FMNL1: variants seen among roughly 807,000 people sequenced by gnomAD.
FMNL1 encodes formin-like protein 1.
In FMNL1, 43 loss-of-function variants were observed where a neutral mutation model predicts 121.3. The observed-to-expected ratio is 0.35, with a 90% CI of 0.28 to 0.46. The LOEUF (loss-of-function observed/expected upper bound fraction) is 0.46, where lower values mean the gene tolerates loss of function less well. Ranked by LOEUF, FMNL1 falls within the 20% of genes least tolerant of loss-of-function variation. FMNL1 has a pLI of 1.00. For missense variants in FMNL1, 1,191 were observed against 1,482.4 expected (o/e 0.80, Z 3.23); for synonymous variants, 613 against 613.5 (o/e 1.00, Z 0.01).
At position 45,234,309 on chromosome 17, in the gene FMNL1, A is replaced by G. The variant is rs766659793; in HGVS notation, c.614+109A>G. 5.7e-6 allele frequency: 9 copies of G among 1,572,966 alleles called. No homozygotes were observed. The South Asian group carries it at 9.0e-5, about 16-fold the overall frequency. ...CTTGGGGTTGGCGAGAGGGGTAGCC[A>G]TGCATTAGGGGTCCGAGTAAGGGAC... On this transcript the variant is annotated intron_variant, in intron 6 of 26. Coordinates refer to ENST00000331495, the MANE Select transcript of FMNL1 (RefSeq NM_005892.4).
intron 1 of FMNL1, among the ~76,000 whole-genome samples, chr17:45,225,139 C>A (rs566961087): frequency 1.4e-4 from 22 of 152,362 alleles, no homozygotes; most frequent in Non-Finnish European, 2.5e-4. Context: ...GGCCAAAAGC[C>A]ATGCTGGCAT....
At chr17:45,244,774 C>T (rs1279884458) in intron 19 of FMNL1, 45 bp from the exon 20 acceptor site, 5 of 1,577,918 alleles carry the variant, frequency 3.2e-6, no homozygotes, top group Non-Finnish European at 2.6e-6. Context: ...TAAGCGGTGT[C>T]CTCAGCTCTG....
Position 45,241,192 on chromosome 17 carries a change from C to T in FMNL1, c.1294C>T (p.Gln432Ter), listed in dbSNP as rs2043682250. 1 of 1,613,906 alleles carries T rather than the reference C, an allele frequency of 6.2e-7. No individual in the cohort carries two copies. Among genetic ancestry groups the T allele is most frequent in the South Asian group, 1.1e-5 (1 of 91,092 alleles). The change falls in exon 13 of 27, where the codon CAG becomes TAG. Residue 432 changes from glutamine (Q) to a stop codon, truncating the protein, a stop_gained. Transcript: ENST00000331495. LOFTEE classifies it high-confidence loss of function. This position sits in a 1 kb window ranked among gnomAD's most constrained non-coding sequence, Gnocchi z 7.0. ...SMAKIAELEK[Q>*]LSQARKELET... ...GGCCAAGATTGCAGAACTGGAAAAA[C>T]AGCTAAGCCAGGCGCGCAAGGAGTT...
intron 26 of FMNL1, 89 bp downstream of exon 26, chr17:45,246,693 C>T (rs963801680): frequency 1.1e-5 from 15 of 1,316,068 alleles, no homozygotes; most frequent in Non-Finnish European, 1.6e-5. Context: ...TCTCCTGGGC[C>T]AGTGGATGGC....
chr17:45,240,285 A>T, intron 11 of FMNL1, 191 bp from the exon 12 acceptor site: 1 of 492,766 alleles, frequency 2.0e-6, no homozygotes. Context: ...TGGCTATACT[A>T]AGAATGACTG....
In FMNL1 at chr17:45,232,786, T is replaced by C. The variant is rs144564361; in HGVS notation, c.327+306T>C. The C allele has an allele frequency of 4.9e-4, 281 of 578,394 alleles. 1 individual carries two copies. The highest frequency in any genetic ancestry group is 9.2e-4 in the Middle Eastern group (3 of 3,270). The allele number at this position is 578,394 out of a possible 1,614,324, so 35.8% of individuals were successfully genotyped here. ...GTGTGTGTATACTATGTGTGTACTT[T>C]GTCCACTTATGGATGTGTGTGTGTA... On this transcript the variant is annotated intron_variant, in intron 3 of 26. Coordinates refer to ENST00000331495, the MANE Select transcript of FMNL1 (RefSeq NM_005892.4).
rs1423784191 is a variant in FMNL1 at position 45,238,850 on chromosome 17, G to A, written c.970-105G>A. ...CAGGCCAAGGCTGGGAGTTAGTGGA[G>A]TGAGAACTGTGGAGAAGGAGGGAGG... On this transcript the variant is annotated intron_variant, in intron 10 of 26. Transcript: ENST00000331495. 3.5e-6 allele frequency: 4 copies of A among 1,128,412 alleles called. No individual in the cohort carries two copies. The East Asian group carries it at 7.1e-5, about 20-fold the overall frequency. 69.9% of individuals were successfully genotyped at this position (1,128,412 alleles called of 1,614,324 possible).
intron 12 of FMNL1, 81 bp downstream of exon 12, chr17:45,240,706 A>C: frequency 5.9e-6 from 9 of 1,514,220 alleles, no homozygotes; most frequent in Non-Finnish European, 8.0e-6. Flanking sequence ...AAGCATGGGC[A>C]CTGGGCAGCA....
At chr17:45,238,693 G>T in intron 10 of FMNL1, 55 bp downstream of exon 10, 8 of 1,605,788 alleles carry the variant, frequency 5.0e-6, no homozygotes, top group Non-Finnish European at 6.8e-6. Flanking sequence ...TTGGGTGCAG[G>T]GAGCAGCTAG....
intron 1 of FMNL1, among the ~76,000 whole-genome samples, chr17:45,228,617 C>G (rs1404435755): frequency 6.6e-6 from 1 of 152,240 alleles, no homozygotes; most frequent in Non-Finnish European, 1.5e-5. Context: ...GGGCTCGGAG[C>G]AGTGCCTTGC....
intron 11 of FMNL1, 175 bp from the exon 12 acceptor site, chr17:45,240,301 T>C (rs2043655032): frequency 3.4e-6 from 2 of 595,652 alleles, no homozygotes; most frequent in Admixed American, 3.6e-5. Context: ...GACTGAATTG[T>C]ACACTTTAAA....
Position 45,233,808 on chromosome 17 carries a change from C to G in FMNL1, c.485+77C>G. On this transcript the variant is annotated intron_variant, in intron 5 of 26. Coordinates refer to ENST00000331495, the MANE Select transcript of FMNL1 (RefSeq NM_005892.4). This position sits in a 1 kb window ranked among gnomAD's most constrained non-coding sequence, Gnocchi z 4.1. ...GTCTCCCTGCATCTCACCCACTCCC[C>G]TGGCCAGTTTCAAGCCAGGCAGCCC... 1 of 1,570,340 alleles carries G rather than the reference C, an allele frequency of 6.4e-7. No homozygotes were observed. Among genetic ancestry groups the G allele is most frequent in the Admixed American group, 1.8e-5 (1 of 56,330 alleles).
At position 45,245,714 on chromosome 17, in the gene FMNL1, G is replaced by C; in HGVS notation, c.2975G>C (p.Arg992Pro). 6.2e-7 allele frequency: 1 copy of C among 1,614,070 alleles called. No homozygotes were observed. Reference protein sequence around the residue: ...SPGLFFSLFSRFIKAYKKAEQ... With the variant: ...SPGLFFSLFSPFIKAYKKAEQ... ...GGCCTGTTCTTCTCCCTCTTTAGCC[G>C]CTTCATTAAGGCCTACAAGGTATTC... The change falls in exon 23 of 27, where the codon CGC becomes CCC. Residue 992 changes from arginine to proline, a missense_variant. Physicochemically the swap from Arg to Pro is moderately radical, Grantham distance 103. Transcript: ENST00000331495.
intron 12 of FMNL1, 181 bp downstream of exon 12, chr17:45,240,806 C>G: frequency 1.1e-6 from 1 of 933,532 alleles, no homozygotes; most frequent in Non-Finnish European, 1.6e-6. Flanking sequence ...GGGTGTCTTT[C>G]TCAATGAGTG....
At position 45,245,964 on chromosome 17, in the gene FMNL1, A is replaced by G. The variant is rs566833994; in HGVS notation, c.3081A>G (p.Pro1027=). 6.4e-7 allele frequency: 1 copy of G among 1,563,676 alleles called. No homozygotes were observed. The highest frequency in any genetic ancestry group is 2.1e-5 in the Admixed American group (1 of 48,296). ...ATACCCCGGGCAAAGGGGAGCCCCC[A>G]GCACCCAAGGTAGGCAACTGCTCCT... ...GADTPGKGEP[P]APKSPPKARR... The change falls in exon 24 of 27, where the codon CCA becomes CCG. Residue 1027 remains proline, a synonymous_variant. Transcript: ENST00000331495.
In FMNL1 at chr17:45,242,343, G is replaced by C. The variant is rs766367035; in HGVS notation, c.1888G>C (p.Val630Leu). The C allele has an allele frequency of 2.5e-6, 4 of 1,613,948 alleles. No individual in the cohort carries two copies. The South Asian group carries it at 3.3e-5, about 13-fold the overall frequency. ...GRRDSELGPG[V>L]KAKKPIQTKF... is the part of the protein sequence containing the mutation. Reference sequence around the variant, plus strand: ...CTGCCCCCAAACCCCCGTCCCAGGAGTGAAGGCCAAGAAGCCCATCCAGAC... The same window carrying C: ...CTGCCCCCAAACCCCCGTCCCAGGACTGAAGGCCAAGAAGCCCATCCAGAC... The change falls in exon 16 of 27, where the codon GTG (valine) becomes CTG (leucine). Residue 630 changes from valine to leucine, a missense_variant and splice_region_variant. By Grantham distance (32) the Val-to-Leu change is conservative. This residue lies in a region of FMNL1 where 519 missense variants were observed against 492.8 expected (regional missense o/e 1.05). Coordinates refer to ENST00000331495, the MANE Select transcript of FMNL1 (RefSeq NM_005892.4).
rs1683001146 is a variant in FMNL1 at position 45,233,982 on chromosome 17, T to C, written c.486-90T>C. The C allele has an allele frequency of 6.6e-7, 1 of 1,526,490 alleles. No individual in the cohort carries two copies. Among genetic ancestry groups the C allele is most frequent in the Non-Finnish European group, 8.8e-7 (1 of 1,132,026 alleles). 94.6% of individuals were successfully genotyped at this position (1,526,490 alleles called of 1,614,324 possible). ...CCTCCTCCTGCTCCTTAGTCTCACC[T>C]GCAGGTCTGTCTCTCCTTGCGTTTC... On this transcript the variant is annotated intron_variant, in intron 5 of 26. Coordinates refer to ENST00000331495, the MANE Select transcript of FMNL1 (RefSeq NM_005892.4). This position sits in a 1 kb window ranked among gnomAD's most constrained non-coding sequence, Gnocchi z 4.1.
Position 45,241,407 on chromosome 17 carries a change from T to C in FMNL1, c.1358T>C (p.Met453Thr), listed in dbSNP as rs777882396. 1.9e-6 allele frequency: 3 copies of C among 1,565,534 alleles called. No individual in the cohort carries two copies. Among genetic ancestry groups the C allele is most frequent in the Non-Finnish European group, 2.6e-6 (3 of 1,155,878 alleles). ...GAGCGCTTCAGCGAATCGACCGCCA[T>C]GGGGCCCTCCAGGCGTCCCCCAGAG... The part of the protein sequence containing the change: ...LRERFSESTA[M>T]GPSRRPPEPE... Residue 453 changes from methionine (M) to threonine (T), a missense_variant, in exon 14 of 27, where the codon ATG becomes ACG. Physicochemically the swap from Met to Thr is moderately conservative, Grantham distance 81. Around this residue, in one of 4 missense-constraint regions of FMNL1, gnomAD observed 519 missense variants for 492.8 expected, o/e 1.05. Transcript: ENST00000331495. This position sits in a 1 kb window ranked among gnomAD's most constrained non-coding sequence, Gnocchi z 7.0.
chr17:45,229,622 GA>G (rs2043398699), intron 1 of FMNL1, among the ~76,000 whole-genome samples: 1 of 152,222 alleles, frequency 6.6e-6, no homozygotes, highest in South Asian at 2.1e-4. Context: ...AAATTGAAGG[GA>G]ACTGGCCTCA....
Sources: allele counts gnomAD v4.1 joint callset (sites outside exome capture counted in the v4.1 genomes callset), GRCh38; gene constraint gnomAD v4.1.1; regional missense constraint gnomAD v4.1.1; non-coding constraint Gnocchi (gnomAD v3.1); transcripts MANE v1.5; gene names NCBI Gene and HGNC (gene_info 2026-07-23, HGNC 2026-07-21).